Variants in TAFA5 observed in about 807,000 individuals in gnomAD.
The protein encoded by TAFA5 is TAFA chemokine like family member 5.
Under a neutral mutation model 15.3 loss-of-function variants are expected in TAFA5, and 6 were observed. The observed-to-expected ratio is 0.39, with a 90% CI of 0.21 to 0.77. TAFA5 has a LOEUF of 0.77. Among genes scored for constraint, TAFA5 ranks in the 30% least tolerant of loss-of-function variants. The probability of loss-of-function intolerance (pLI) is 0.41; values close to 1 mark genes in which losing one functional copy is unlikely to be tolerated. For synonymous variants in TAFA5, 103 were observed against 80.7 expected (o/e 1.28, Z -1.48); for missense variants, 161 against 193.1 (o/e 0.83, Z 0.98).
intron 2 of TAFA5, among the ~76,000 whole-genome samples, chr22:48,703,466 T>C (rs1214295954): frequency 1.3e-5 from 2 of 152,304 alleles, no homozygotes; most frequent in East Asian, 3.9e-4. Flanking sequence ...GTGTCCAAGA[T>C]GCTGAAAGCT....
At chr22:48,578,297 C>T (rs1051182915) in intron 1 of TAFA5, among the ~76,000 whole-genome samples, 12 of 152,336 alleles carry the variant, frequency 7.9e-5, no homozygotes, top group East Asian at 7.7e-4. Context: ...GCCATGTGGC[C>T]GGCCTGTGAC....
chr22:48,618,978 G>A (rs1362141518), intron 1 of TAFA5, among the ~76,000 whole-genome samples: 1 of 152,194 alleles, frequency 6.6e-6, no homozygotes, highest in Non-Finnish European at 1.5e-5. Context: ...GAATGTCAGG[G>A]GTTGTTAGAA....
chr22:48,594,711 C>T (rs1055622701), intron 1 of TAFA5, among the ~76,000 whole-genome samples: 10 of 152,184 alleles, frequency 6.6e-5, no homozygotes, highest in African/African-American at 1.7e-4. Flanking sequence ...CAGTGGTCCC[C>T]GCATTTCTGT....
intron 1 of TAFA5, among the ~76,000 whole-genome samples, chr22:48,534,129 ACAGGCAGGTGAGGGAGGT>A (rs1209735022): frequency 1.3e-5 from 2 of 151,186 alleles, no homozygotes; most frequent in African/African-American, 2.4e-5. Context: ...GTGAGGGGTG[ACAGGCAGGTGAGGGAGGT>A]CAGGCAGGTG....
intron 1 of TAFA5, among the ~76,000 whole-genome samples, chr22:48,575,161 G>T (rs575583671): frequency 3.3e-5 from 5 of 152,168 alleles, no homozygotes; most frequent in Non-Finnish European, 7.4e-5. Flanking sequence ...CCTTGGGTGC[G>T]AGGGAGGCTG....
chr22:48,731,510 A>G (rs184300906), intron 3 of TAFA5, among the ~76,000 whole-genome samples: 2 of 152,360 alleles, frequency 1.3e-5, no homozygotes, highest in African/African-American at 2.4e-5. Context: ...CTCTCTTGTT[A>G]GAGGCTAATG....
At chr22:48,610,141 G>A (rs1205410901) in intron 1 of TAFA5, among the ~76,000 whole-genome samples, 1 of 152,204 alleles carries the variant, frequency 6.6e-6, no homozygotes, top group African/African-American at 2.4e-5. Flanking sequence ...CCTAAGGTCG[G>A]CTCAGCAGGG....
chr22:48,702,255 A>C lies in TAFA5; in HGVS notation c.263-5462A>C, dbSNP rs544851780. On this transcript the variant is annotated intron_variant, in intron 2 of 3. Coordinates refer to ENST00000402357, the MANE Select transcript of TAFA5 (RefSeq NM_001082967.3). Reference sequence around the variant, plus strand: ...TGATGGAGAGCATGGTGTGGGATGGAAGATGGGGCTGACTGGCACCTTAGA... The same window carrying C: ...TGATGGAGAGCATGGTGTGGGATGGCAGATGGGGCTGACTGGCACCTTAGA... Among the ~76,000 whole-genome samples the C allele has an allele frequency of 1.1e-4, 17 of 152,166 alleles. No homozygotes were observed. In the South Asian group the frequency reaches 3.5e-3, roughly 32 times the overall value.
Position 48,606,056 on chromosome 22 carries a change from T to A in TAFA5, c.113-40541T>A, listed in dbSNP as rs116233797. On this transcript the variant is annotated intron_variant, in intron 1 of 3. Coordinates refer to ENST00000402357, the MANE Select transcript of TAFA5 (RefSeq NM_001082967.3). Reference sequence around the variant, plus strand: ...GATGAGTCAGCACAAGGTCTGACCTTGGGAGGCTTCGGAGCCGGGCACCTG... The same window carrying A: ...GATGAGTCAGCACAAGGTCTGACCTAGGGAGGCTTCGGAGCCGGGCACCTG... Among the ~76,000 whole-genome samples the A allele has an allele frequency of 2.3e-3, 343 of 152,294 alleles. 1 individual carries two copies. The highest frequency in any genetic ancestry group is 8.0e-3 in the African/African-American group (333 of 41,568).
chr22:48,748,329 G>A (rs911222041), intron 3 of TAFA5, among the ~76,000 whole-genome samples: 2 of 152,232 alleles, frequency 1.3e-5, no homozygotes, highest in African/African-American at 4.8e-5. Context: ...TTGGACTGTG[G>A]ATGACCGAGC....
At chr22:48,684,428 C>T (rs1195897951) in intron 2 of TAFA5, among the ~76,000 whole-genome samples, 1 of 152,110 alleles carries the variant, frequency 6.6e-6, no homozygotes, top group East Asian at 1.9e-4. Flanking sequence ...GCAGCTGTCC[C>T]ATAAAGCCTC....
At chr22:48,669,402 C>T (rs1927730000) in intron 2 of TAFA5, among the ~76,000 whole-genome samples, 2 of 152,250 alleles carry the variant, frequency 1.3e-5, no homozygotes, top group Admixed American at 1.3e-4. Flanking sequence ...CAAGCCCAGC[C>T]CACTGCGCCC....
intron 2 of TAFA5, among the ~76,000 whole-genome samples, chr22:48,659,639 G>T (rs1363475508): frequency 6.6e-6 from 1 of 151,294 alleles, no homozygotes; most frequent in African/African-American, 2.4e-5. Context: ...ACTTGTTCTC[G>T]CCCTGTCCTG....
At chr22:48,649,840 C>T (rs77675848) in intron 2 of TAFA5, among the ~76,000 whole-genome samples, 7,687 of 152,218 alleles carry the variant, frequency 0.05, 255 homozygotes, top group East Asian at 0.13. Context: ...TCATTACTTC[C>T]GCCCGCCTAT....
intron 1 of TAFA5, among the ~76,000 whole-genome samples, chr22:48,536,879 C>T (rs1601562671): frequency 6.6e-6 from 1 of 152,180 alleles, no homozygotes. Context: ...CCCGAGGCAG[C>T]CCCCGGACAC....
intron 1 of TAFA5, among the ~76,000 whole-genome samples, chr22:48,496,069 A>G (rs5767171): frequency 0.4 from 61,607 of 152,180 alleles, 13,755 homozygotes; most frequent in African/African-American, 0.59. Flanking sequence ...GGATGCAGGA[A>G]GGCATGGTGA....
At chr22:48,618,524 A>G (rs1925694438) in intron 1 of TAFA5, among the ~76,000 whole-genome samples, 1 of 152,198 alleles carries the variant, frequency 6.6e-6, no homozygotes, top group South Asian at 2.1e-4. Context: ...TTTCATATTC[A>G]TCATCTGTAA....
At chr22:48,534,282 C>A (rs944459751) in intron 1 of TAFA5, among the ~76,000 whole-genome samples, 46 of 149,518 alleles carry the variant, frequency 3.1e-4, no homozygotes, top group African/African-American at 1.1e-3. Context: ...CAGGCAATTG[C>A]GGTGGGTAAG....
intron 1 of TAFA5, among the ~76,000 whole-genome samples, chr22:48,610,268 G>A (rs754747237): frequency 4.6e-5 from 7 of 152,158 alleles, no homozygotes; most frequent in African/African-American, 9.7e-5. Flanking sequence ...GCATCCCAGC[G>A]TTTGGCACAG....
Sources: gnomAD v4.1 joint callset for allele counts (sites outside exome capture counted in the v4.1 genomes callset) on GRCh38, gnomAD v4.1.1 for gene constraint, MANE v1.5 for transcripts, NCBI Gene and HGNC (gene_info 2026-07-23, HGNC 2026-07-21) for gene names.